The following FAM135A variants were observed in gnomAD, a reference collection of about 807,000 sequenced individuals.
FAM135A encodes the protein family with sequence similarity 135 member A.
A neutral mutation model predicts 146.8 loss-of-function variants in FAM135A; 79 were observed. That is an observed-to-expected ratio of 0.54 (90% CI 0.45 to 0.65). The LOEUF (loss-of-function observed/expected upper bound fraction) is 0.65. FAM135A is among the 30% of genes least tolerant of loss of function. The probability of loss-of-function intolerance (pLI) is 0.00; values close to 1 mark genes in which losing one functional copy is unlikely to be tolerated. For synonymous variants in FAM135A, 562 were observed against 603.6 expected, an observed-to-expected ratio of 0.93 and a Z score of 1.01; for missense variants, 1,623 against 1,758.2, an observed-to-expected ratio of 0.92 and a Z score of 1.38.
At chr6:70,516,775 T>C (rs1561953093) in intron 12 of FAM135A, among the ~76,000 whole-genome samples, 1 of 152,040 alleles carries the variant, frequency 6.6e-6, no homozygotes, top group Non-Finnish European at 1.5e-5. Flanking sequence ...GACCTTGTGA[T>C]CCGCCCATCT....
In FAM135A at chr6:70,465,107, T is replaced by G. The variant is rs1780200424; in HGVS notation, c.158-10303T>G. 3.9e-5 allele frequency among the ~76,000 whole-genome samples: 6 copies of G among 152,108 alleles called. No homozygotes were observed. The South Asian group carries it at 1.2e-3, about 31-fold the overall frequency. ...TATGAGTTTGACTGCTTTATATACC[T>G]CATATAAGTGGAGTCATGCAGTATT... On this transcript the variant is annotated intron_variant, in intron 5 of 21. Coordinates refer to ENST00000418814, the MANE Select transcript of FAM135A (RefSeq NM_001162529.3).
chr6:70,452,858 A>T (rs146938843), intron 5 of FAM135A, among the ~76,000 whole-genome samples: 1 of 152,180 alleles, frequency 6.6e-6, no homozygotes, highest in Non-Finnish European at 1.5e-5. Flanking sequence ...ATCTAAAAAG[A>T]TACGCAGTAA....
chr6:70,541,195 T>TTAA (rs1260566202), intron 20 of FAM135A, among the ~76,000 whole-genome samples: 1 of 152,162 alleles, frequency 6.6e-6, no homozygotes, highest in Non-Finnish European at 1.5e-5. Context: ...TTCTTCCATC[T>TTAA]TAATAATAAT....
At chr6:70,537,709 C>A (rs900005934) in intron 19 of FAM135A, among the ~76,000 whole-genome samples, 1 of 152,074 alleles carries the variant, frequency 6.6e-6, no homozygotes, top group Non-Finnish European at 1.5e-5. Flanking sequence ...TGAAAACCAA[C>A]TTGAGTGATT....
At chr6:70,537,202 A>G (rs1041308496) in intron 19 of FAM135A, among the ~76,000 whole-genome samples, 6 of 152,154 alleles carry the variant, frequency 3.9e-5, no homozygotes, top group South Asian at 4.2e-4. Context: ...CCAAAGTGCT[A>G]GGATTACAGG....
At chr6:70,519,861 T>G (rs1793150916) in intron 12 of FAM135A, among the ~76,000 whole-genome samples, 1 of 152,100 alleles carries the variant, frequency 6.6e-6, no homozygotes, top group Admixed American at 6.5e-5. Flanking sequence ...ACCCATAATA[T>G]TTCCAAGGCA....
chr6:70,543,666 G>A (rs1024778300), intron 20 of FAM135A, among the ~76,000 whole-genome samples: 30 of 152,188 alleles, frequency 2.0e-4, no homozygotes, highest in African/African-American at 6.8e-4. Flanking sequence ...GTGGAGCTAT[G>A]GAGTTCATAC....
chr6:70,430,771 A>G (rs1771395179), intron 4 of FAM135A, among the ~76,000 whole-genome samples: 1 of 152,226 alleles, frequency 6.6e-6, no homozygotes, highest in Admixed American at 6.5e-5. Context: ...TTTTATTTTC[A>G]GGAGACTGCA....
At chr6:70,437,609 C>G (rs1023997469) in intron 4 of FAM135A, among the ~76,000 whole-genome samples, 12 of 151,948 alleles carry the variant, frequency 7.9e-5, no homozygotes, top group Non-Finnish European at 1.5e-5. Context: ...TAGGGAGATA[C>G]TATGAGAAAA....
At chr6:70,504,505 G>GACATAACAT (rs1446155214) in intron 12 of FAM135A, 1 of 152,074 alleles carries the variant, frequency 6.6e-6, no homozygotes, top group Non-Finnish European at 1.5e-5. Flanking sequence ...GCCATTTTTG[G>GACATAACAT]ACATAACATA....
At chr6:70,453,219 T>C (rs996332441) in intron 5 of FAM135A, among the ~76,000 whole-genome samples, 4 of 152,196 alleles carry the variant, frequency 2.6e-5, no homozygotes, top group African/African-American at 9.6e-5. Flanking sequence ...AGAGTTATTA[T>C]GTAAGCCTAA....
intron 19 of FAM135A, 41 bp downstream of exon 19, chr6:70,536,452 G>A: frequency 6.9e-7 from 1 of 1,440,858 alleles, no homozygotes. Flanking sequence ...TATGGAATAG[G>A]GAGAAAAATA....
At chr6:70,436,309 C>T (rs943665004) in intron 4 of FAM135A, among the ~76,000 whole-genome samples, 1 of 152,028 alleles carries the variant, frequency 6.6e-6, no homozygotes, top group Non-Finnish European at 1.5e-5. Context: ...TGTCTGTCTT[C>T]AGTAAGATAT....
intron 12 of FAM135A, among the ~76,000 whole-genome samples, chr6:70,519,040 A>AT (rs1792933213): frequency 6.6e-6 from 1 of 152,120 alleles, no homozygotes; most frequent in African/African-American, 2.4e-5. Context: ...CAAAAGGAAA[A>AT]CTTTTGGGAA....
At chr6:70,534,566 C>G (rs1384053116) in intron 18 of FAM135A, among the ~76,000 whole-genome samples, 2 of 151,940 alleles carry the variant, frequency 1.3e-5, no homozygotes, top group African/African-American at 4.8e-5. Context: ...CTCACCTTGG[C>G]CTCCCAAAGT....
At chr6:70,532,638 G>A (rs549675578) in intron 16 of FAM135A, among the ~76,000 whole-genome samples, 2 of 152,148 alleles carry the variant, frequency 1.3e-5, no homozygotes, top group Admixed American at 1.3e-4. Flanking sequence ...AACCACCTAA[G>A]AAACAAACTG....
intron 4 of FAM135A, among the ~76,000 whole-genome samples, chr6:70,434,122 G>C (rs910459419): frequency 1.3e-5 from 2 of 152,126 alleles, no homozygotes; most frequent in Non-Finnish European, 2.9e-5. Context: ...TATATTAGGA[G>C]TATCTAATTA....
intron 5 of FAM135A, among the ~76,000 whole-genome samples, chr6:70,466,911 C>T (rs1780571795): frequency 6.6e-6 from 1 of 152,176 alleles, no homozygotes; most frequent in Admixed American, 6.5e-5. Flanking sequence ...CAAATCCGAA[C>T]TACATTGGTC....
At chr6:70,548,094 A>G (rs1455411125) in intron 20 of FAM135A, among the ~76,000 whole-genome samples, 1 of 152,216 alleles carries the variant, frequency 6.6e-6, no homozygotes, top group East Asian at 1.9e-4. Flanking sequence ...ACTCAGATGA[A>G]GTACTGCTGT....
Sources: allele counts gnomAD v4.1 joint callset (sites outside exome capture counted in the v4.1 genomes callset), GRCh38; gene constraint gnomAD v4.1.1; transcripts MANE v1.5; gene names NCBI Gene and HGNC (gene_info 2026-07-23, HGNC 2026-07-21).